The following EPB41 variants were observed in gnomAD, a reference collection of about 807,000 sequenced individuals.
EPB41 encodes protein 4.1.
In EPB41, 65 loss-of-function variants were observed where a neutral mutation model predicts 108.0. The observed-to-expected ratio is 0.60, with a 90% CI of 0.49 to 0.74. The LOEUF (loss-of-function observed/expected upper bound fraction) is 0.74. Ranked by LOEUF, EPB41 falls within the 30% of genes least tolerant of loss-of-function variation. EPB41 has a pLI of 0.00. For synonymous variants in EPB41, 336 were observed against 358.9 expected (o/e 0.94, Z 0.72); for missense variants, 875 against 1,037.0 (o/e 0.84, Z 2.15).
At chr1:28,998,140 GA>G (rs1177514327) in intron 4 of EPB41, among the ~76,000 whole-genome samples, 1 of 152,126 alleles carries the variant, frequency 6.6e-6, no homozygotes, top group African/African-American at 2.4e-5. Flanking sequence ...TATACAAAAG[GA>G]AATACAGGTT....
rs547299928 is a variant in EPB41, at chr1:28,923,045, T to C, written c.-8+8277T>C. Among the ~76,000 whole-genome samples the C allele has an allele frequency of 1.6e-4, 25 of 151,830 alleles. No homozygotes were observed. The South Asian group carries it at 1.9e-3, about 11-fold the overall frequency. On this transcript the variant is annotated intron_variant, in intron 1 of 20. Transcript: ENST00000343067. Reference sequence around the variant, plus strand: ...ACTCAGCCGTGATGCACTGTTTGATTCTGATAATCAGGTATGTGTAATTAG... The same window carrying C: ...ACTCAGCCGTGATGCACTGTTTGATCCTGATAATCAGGTATGTGTAATTAG...
chr1:29,083,535 A>G (rs1247103297), intron 16 of EPB41, among the ~76,000 whole-genome samples: 1 of 152,040 alleles, frequency 6.6e-6, no homozygotes, highest in African/African-American at 2.4e-5. Context: ...TTGACTTGTC[A>G]TCTTTATGTG....
At chr1:28,937,810 C>A (rs203280) in intron 1 of EPB41, among the ~76,000 whole-genome samples, 18,722 of 152,192 alleles carry the variant, frequency 0.12, 1,593 homozygotes, top group African/African-American at 0.25. Context: ...ATCTTTTCTT[C>A]TAGGAATTTT....
intron 11 of EPB41, among the ~76,000 whole-genome samples, chr1:29,047,227 G>A (rs1388975639): frequency 2.4e-5 from 3 of 123,300 alleles, no homozygotes; most frequent in South Asian, 2.5e-4. Context: ...TTGATAAATT[G>A]TGTTTCTTTT....
chr1:29,010,457 T>C (rs1332996856), intron 4 of EPB41, among the ~76,000 whole-genome samples: 1 of 152,224 alleles, frequency 6.6e-6, no homozygotes, highest in Non-Finnish European at 1.5e-5. Context: ...ATAATTCTTA[T>C]ATGTTCACTT....
intron 10 of EPB41, among the ~76,000 whole-genome samples, chr1:29,037,204 C>G (rs1639816144): frequency 6.6e-6 from 1 of 152,168 alleles, no homozygotes; most frequent in African/African-American, 2.4e-5. Context: ...GCCTCAGCCT[C>G]CCAAGTAGCT....
intron 4 of EPB41, 81 bp from the exon 5 acceptor site, chr1:29,011,784 A>G: frequency 6.9e-7 from 1 of 1,451,698 alleles, no homozygotes. Context: ...CTATTTGAAG[A>G]TAGTCAGTGA....
intron 5 of EPB41, among the ~76,000 whole-genome samples, chr1:29,014,438 A>C (rs1463880779): frequency 1.3e-5 from 2 of 152,172 alleles, no homozygotes; most frequent in East Asian, 3.8e-4. Flanking sequence ...ACATATGAGT[A>C]TAGTACGAGG....
intron 1 of EPB41, among the ~76,000 whole-genome samples, chr1:28,929,318 C>T (rs1341092796): frequency 6.6e-5 from 10 of 151,686 alleles, no homozygotes; most frequent in African/African-American, 1.7e-4. Context: ...CTCTGCCTCC[C>T]GGGTTCACGC....
At chr1:28,946,411 C>T (rs939702251) in intron 1 of EPB41, among the ~76,000 whole-genome samples, 6 of 152,080 alleles carry the variant, frequency 3.9e-5, no homozygotes, top group African/African-American at 9.6e-5. Context: ...CTGGCCAACT[C>T]TTTTTCAAAA....
In EPB41 at chr1:28,984,005, G is replaced by A. The variant is rs148683159; in HGVS notation, c.-7-3426G>A. ...TTATTGCTGATGAAAGTGGCTCTCA[G>A]CGGGAAGGGGAGCTGAAAAGGGGCC... On this transcript the variant is annotated intron_variant, in intron 1 of 20. Transcript: ENST00000343067. Among the ~76,000 whole-genome samples the A allele has an allele frequency of 5.2e-3, 773 of 149,340 alleles. 5 individuals carry two copies. The highest frequency in any genetic ancestry group is 8.1e-3 in the Non-Finnish European group (542 of 67,156).
Position 28,987,617 on chromosome 1 carries a change from T to C in EPB41, c.180T>C (p.Thr60=). 1 of 1,614,160 alleles carries C rather than the reference T, an allele frequency of 6.2e-7. No individual in the cohort carries two copies. Among genetic ancestry groups the C allele is most frequent in the Non-Finnish European group, 8.5e-7 (1 of 1,180,030 alleles). ...AGCTGAAAGCTTCTAATGGAGACAC[T>C]CCTACACATGAAGACTTGACCAAGA... The part of the protein sequence containing the change: ...EQKLKASNGD[T]PTHEDLTKNK... The change falls in exon 2 of 21, where the codon ACT becomes ACC. Residue 60 remains threonine, a synonymous_variant. Transcript: ENST00000343067.
In EPB41 at chr1:29,119,208, T is replaced by C. The variant is rs1356829501; in HGVS notation, c.*2396T>C. 1 of 152,694 alleles carries C rather than the reference T, an allele frequency of 6.5e-6. No homozygotes were observed. The highest frequency in any genetic ancestry group is 1.5e-5 in the Non-Finnish European group (1 of 68,068). The allele number at this position is 152,694 out of a possible 1,614,324, so 9.5% of individuals were successfully genotyped here. A position where few individuals can be genotyped will look rare whatever the true frequency, so the allele number is the denominator to read the frequency against. On this transcript the variant is annotated 3_prime_UTR_variant, in exon 21 of 21. Coordinates refer to ENST00000343067, the MANE Select transcript of EPB41 (RefSeq NM_001376013.1). ...ACAAGCCCAGCAAGATGGGTGTCCT[T>C]CCAGGCCTCTTCCCCTTTCCTCCAT... is the stretch of plus-strand genomic sequence containing the variant.
At chr1:28,985,326 TA>T (rs34354928) in intron 1 of EPB41, among the ~76,000 whole-genome samples, 47,560 of 149,964 alleles carry the variant, frequency 0.32, 9,078 homozygotes, top group Non-Finnish European at 0.41. Flanking sequence ...TATACAATGA[TA>T]AAAAAAAAAT....
chr1:29,062,087 A>G (rs1226573195), intron 15 of EPB41, among the ~76,000 whole-genome samples: 1 of 152,212 alleles, frequency 6.6e-6, no homozygotes, highest in Non-Finnish European at 1.5e-5. Flanking sequence ...CTCATTTAAC[A>G]TGAAGTTTTT....
intron 4 of EPB41, among the ~76,000 whole-genome samples, chr1:29,000,805 C>T (rs2096279674): frequency 6.6e-6 from 1 of 151,626 alleles, no homozygotes; most frequent in Non-Finnish European, 1.5e-5. Flanking sequence ...ACCTCCAGCT[C>T]AGAAGTAAGT....
chr1:29,034,973 GTTTTTTTT>G (rs10580931), intron 9 of EPB41, among the ~76,000 whole-genome samples: 1,614 of 87,256 alleles, frequency 0.018, 30 homozygotes, highest in African/African-American at 0.06. Flanking sequence ...TTTGTTTGTT[GTTTTTTTT>G]TTTTTTTTTT....
chr1:28,939,013 T>C (rs904279132), intron 1 of EPB41, among the ~76,000 whole-genome samples: 1 of 152,226 alleles, frequency 6.6e-6, no homozygotes, highest in Admixed American at 6.5e-5. Context: ...GAATAGCCAG[T>C]GCAATGTTGA....
chr1:28,962,990 T>A (rs2095262187), intron 1 of EPB41, among the ~76,000 whole-genome samples: 1 of 152,192 alleles, frequency 6.6e-6, no homozygotes, highest in East Asian at 1.9e-4. Flanking sequence ...TATTTTTTCT[T>A]TTAATGGATG....
Sources: allele counts gnomAD v4.1 joint callset (sites outside exome capture counted in the v4.1 genomes callset), GRCh38; gene constraint gnomAD v4.1.1; transcripts MANE v1.5; gene names NCBI Gene and HGNC (gene_info 2026-07-23, HGNC 2026-07-21).